Variants in CEACAM21 observed in about 807,000 individuals in gnomAD.
The protein encoded by CEACAM21 is cell adhesion molecule CEACAM21.
In CEACAM21, 38 loss-of-function variants were observed where a neutral mutation model predicts 33.2. The observed-to-expected ratio is 1.14, with a 90% CI of 0.88 to 1.50. The LOEUF is 1.50. CEACAM21 is among the 40% of genes most tolerant of loss of function. CEACAM21 has a pLI of 0.00. For synonymous variants in CEACAM21, 156 were observed against 143.0 expected (o/e 1.09, Z -0.65); for missense variants, 385 against 364.6 (o/e 1.06, Z -0.46).
intron 1 of CEACAM21, among the ~76,000 whole-genome samples, chr19:41,554,377 A>G (rs1354873263): frequency 6.6e-6 from 1 of 152,070 alleles, no homozygotes; most frequent in Non-Finnish European, 1.5e-5. Context: ...CAAAGACACA[A>G]TTGACAAGGA....
intron 1 of CEACAM21, among the ~76,000 whole-genome samples, chr19:41,550,888 A>G (rs1182156817): frequency 6.6e-6 from 1 of 152,242 alleles, no homozygotes; most frequent in East Asian, 1.9e-4. Flanking sequence ...GATCATGAAA[A>G]GGAATTTATT....
intron 1 of CEACAM21, among the ~76,000 whole-genome samples, chr19:41,558,530 C>T (rs781992034): frequency 6.6e-6 from 1 of 152,038 alleles, no homozygotes; most frequent in African/African-American, 2.4e-5. Context: ...GCCTGTAGTC[C>T]CAGCTACTCT....
intron 1 of CEACAM21, among the ~76,000 whole-genome samples, chr19:41,552,903 C>G (rs1220335926): frequency 6.6e-6 from 1 of 151,990 alleles, no homozygotes; most frequent in Non-Finnish European, 1.5e-5. Flanking sequence ...GAAAGCACAG[C>G]TTAGGTTTCA....
intron 5 of CEACAM21, 48 bp from the exon 6 acceptor site, chr19:41,585,792 G>T (rs551007425): frequency 2.9e-5 from 46 of 1,592,310 alleles, no homozygotes; most frequent in Non-Finnish European, 3.9e-5. Flanking sequence ...TGCAGGAGGG[G>T]CCCAGCTATC....
intron 2 of CEACAM21, among the ~76,000 whole-genome samples, chr19:41,578,598 T>C (rs770065312): frequency 2.8e-4 from 42 of 152,184 alleles, no homozygotes; most frequent in Non-Finnish European, 5.6e-4. Flanking sequence ...AGCTCCTTTC[T>C]TCTTGGGCAT....
intron 1 of CEACAM21, chr19:41,555,307 T>C (rs1274419569): frequency 6.7e-6 from 1 of 150,204 alleles, no homozygotes; most frequent in Non-Finnish European, 1.5e-5. Context: ...GCTTGCTTTT[T>C]TTTTTTTTTT....
intron 5 of CEACAM21, 108 bp downstream of exon 5, chr19:41,585,603 CA>C: frequency 7.9e-7 from 1 of 1,268,404 alleles, no homozygotes. Flanking sequence ...CCTGGGGCTG[CA>C]AAGAGGATCC....
intron 3 of CEACAM21, among the ~76,000 whole-genome samples, chr19:41,584,115 G>C (rs1227565309): frequency 6.6e-6 from 1 of 152,194 alleles, no homozygotes; most frequent in African/African-American, 2.4e-5. Flanking sequence ...TGAGGTGCAG[G>C]CTTCCTGTGG....
Position 41,564,195 on chromosome 19 carries a change from G to A in CEACAM21, c.-778-487G>A, listed in dbSNP as rs1555787620. Reference sequence around the variant, plus strand: ...ATCGAGGGCATTGTGAACGCTTGCTGGCCACAAGCCAGCTAGCCCTGTGGT... The same window carrying A: ...ATCGAGGGCATTGTGAACGCTTGCTAGCCACAAGCCAGCTAGCCCTGTGGT... On this transcript the variant is annotated intron_variant, in intron 1 of 7. Coordinates refer to the CEACAM21 transcript ENST00000407170. 2.0e-5 allele frequency among the ~76,000 whole-genome samples: 3 copies of A among 152,184 alleles called. No homozygotes were observed. In the South Asian group the frequency reaches 6.2e-4, roughly 32 times the overall value.
upstream of CEACAM21, among the ~76,000 whole-genome samples, chr19:41,574,082 A>G (rs56265953): frequency 8.6e-3 from 1,303 of 152,298 alleles, 9 homozygotes; most frequent in Middle Eastern, 0.024. Flanking sequence ...GGGTGCCAAG[A>G]TTCCTCAATG....
chr19:41,568,884 T>G (rs567193934), intron 2 of CEACAM21, among the ~76,000 whole-genome samples: 268 of 152,372 alleles, frequency 1.8e-3, no homozygotes, highest in African/African-American at 6.1e-3. Context: ...GTAGACCACT[T>G]TGGGTGGTAA....
chr19:41,565,796 G>C (rs1297989699), intron 2 of CEACAM21, among the ~76,000 whole-genome samples: 1 of 152,132 alleles, frequency 6.6e-6, no homozygotes, highest in African/African-American at 2.4e-5. Context: ...TGGCAAAATA[G>C]GAAAATGGGC....
chr19:41,554,112 A>T (rs1324484710), intron 1 of CEACAM21, among the ~76,000 whole-genome samples: 16 of 152,050 alleles, frequency 1.1e-4, no homozygotes, highest in South Asian at 4.1e-4. Flanking sequence ...AGTCAAAAAG[A>T]TCACTTCAGC....
chr19:41,570,851 G>A (rs1433396729), intron 2 of CEACAM21, among the ~76,000 whole-genome samples: 1 of 152,170 alleles, frequency 6.6e-6, no homozygotes, highest in Non-Finnish European at 1.5e-5. Context: ...CCAGGAGAGC[G>A]GAGATCAGGG....
At chr19:41,575,003 C>T (rs1225888972), upstream of CEACAM21, among the ~76,000 whole-genome samples, 1 of 152,038 alleles carries the variant, frequency 6.6e-6, no homozygotes, top group Non-Finnish European at 1.5e-5. Context: ...TATTACTCAG[C>T]CATAAATAGG....
In CEACAM21 at chr19:41,585,488, C is replaced by T. The variant is rs1275587928; in HGVS notation, c.843C>T (p.Ser281=). Reference sequence around the variant, plus strand: ...TCAGGGAGCAGCAGCCCCCAGCCTCCACCCCCGGTGAGTGTCCCTTCAGTC... The same window carrying T: ...TCAGGGAGCAGCAGCCCCCAGCCTCTACCCCCGGTGAGTGTCCCTTCAGTC... ...SDFREQQPPA[S]TPGHGPSDSS... is the part of the protein sequence containing the mutation. The change falls in exon 5 of 7, where the codon TCC becomes TCT. Residue 281 remains serine, a synonymous_variant. Coordinates refer to ENST00000401445, the MANE Select transcript of CEACAM21 (RefSeq NM_001098506.4). 1 of 1,613,756 alleles carries T rather than the reference C, an allele frequency of 6.2e-7. No individual in the cohort carries two copies. Among genetic ancestry groups the T allele is most frequent in the African/African-American group, 1.3e-5 (1 of 74,892 alleles).
chr19:41,564,566 C>T (rs1182329335), intron 1 of CEACAM21: 2 of 152,248 alleles, frequency 1.3e-5, no homozygotes, highest in African/African-American at 4.8e-5. Flanking sequence ...GCCTGCATGG[C>T]CAGTCAACTC....
Position 41,577,286 on chromosome 19 carries a change from G to A in CEACAM21, c.151G>A (p.Val51Ile), listed in dbSNP as rs782688714. The A allele has an allele frequency of 1.2e-6, 2 of 1,614,116 alleles. No individual in the cohort carries two copies. The highest frequency in any genetic ancestry group is 2.7e-5 in the African/African-American group (2 of 75,006). ...APFEVAEGEN[V>I]HLSVVYLPEN... ...CTTTGAAGTTGCTGAAGGGGAGAATGTTCATCTCTCTGTGGTTTATCTGCC... is the reference window on the plus strand; with the variant it reads ...CTTTGAAGTTGCTGAAGGGGAGAATATTCATCTCTCTGTGGTTTATCTGCC... Residue 51 changes from valine (V) to isoleucine (I), a missense_variant, in exon 2 of 7, where the codon GTT (valine) becomes ATT (isoleucine). Physicochemically the swap from Val to Ile is conservative, Grantham distance 29. Coordinates refer to ENST00000401445, the MANE Select transcript of CEACAM21 (RefSeq NM_001098506.4).
At position 41,584,650 on chromosome 19, in the gene CEACAM21, C is replaced by T. The variant is rs375544850; in HGVS notation, c.797+207C>T. On this transcript the variant is annotated intron_variant, in intron 4 of 6. Transcript: ENST00000401445. ...AGCTTTGTCCTCAGTGAATTCAGTCCAATTAAGGCCATGCCCCTGAGCATG... is the reference window on the plus strand; with the variant it reads ...AGCTTTGTCCTCAGTGAATTCAGTCTAATTAAGGCCATGCCCCTGAGCATG... 4.6e-5 allele frequency among the ~76,000 whole-genome samples: 7 copies of T among 152,244 alleles called. No homozygotes were observed. In the South Asian group the frequency reaches 1.5e-3, roughly 32 times the overall value.
Sources: allele counts gnomAD v4.1 joint callset (sites outside exome capture counted in the v4.1 genomes callset), GRCh38; gene constraint gnomAD v4.1.1; transcripts MANE v1.5; gene names NCBI Gene and HGNC (gene_info 2026-07-23, HGNC 2026-07-21).